Variants in ADCY2 observed in about 807,000 individuals in gnomAD.
ADCY2 encodes adenylate cyclase type 2.
In ADCY2, 31 loss-of-function variants were observed where a neutral mutation model predicts 125.2. The observed-to-expected ratio is 0.25, with a 90% CI of 0.19 to 0.33. The LOEUF (loss-of-function observed/expected upper bound fraction) is 0.33. Among genes scored for constraint, ADCY2 ranks in the 10% least tolerant of loss-of-function variants. The pLI, the probability that ADCY2 is intolerant of heterozygous loss-of-function variation, is 1.00. For missense variants in ADCY2, 904 were observed against 1,418.2 expected, an observed-to-expected ratio of 0.64 and a Z score of 5.82; for synonymous variants, 512 against 548.4, an observed-to-expected ratio of 0.93 and a Z score of 0.93.
Position 7,757,590 on chromosome 5 carries a change from A to G in ADCY2, c.2094+4A>G, listed in dbSNP as rs1560953801. On this transcript the variant is annotated splice_donor_region_variant and intron_variant, in intron 16 of 24. Coordinates refer to ENST00000338316, the MANE Select transcript of ADCY2 (RefSeq NM_020546.3). ...AATGATGGCCGTGTTCAACATGGTA[A>G]GTCCCAGAGCACGGCCGTGTTCAAC... The G allele has an allele frequency of 1.3e-6, 2 of 1,565,530 alleles. No individual in the cohort carries two copies. Among genetic ancestry groups the G allele is most frequent in the Non-Finnish European group, 8.7e-7 (1 of 1,143,770 alleles).
intron 20 of ADCY2, chr5:7,796,337 T>A (rs549648025): frequency 6.6e-6 from 1 of 152,258 alleles, no homozygotes; most frequent in South Asian, 2.1e-4. Context: ...GGGCAGGGCG[T>A]CTTTGGATAG....
intron 3 of ADCY2, among the ~76,000 whole-genome samples, chr5:7,573,258 C>T (rs899327033): frequency 1.3e-5 from 2 of 152,128 alleles, no homozygotes; most frequent in African/African-American, 2.4e-5. Flanking sequence ...AAGTTTTGCC[C>T]TTATTTGAAG....
chr5:7,491,256 AT>A lies in ADCY2; in HGVS notation c.409-29469del, dbSNP rs34685344. The stretch of plus-strand genomic sequence containing the variant: ...TTCAAAAATGATCTAATTAAAAATG[AT>A]TTTTTTTTTTTTGAGACACAGTCTT... On this transcript the variant is annotated intron_variant, in intron 2 of 24. Transcript: ENST00000338316. Among the ~76,000 whole-genome samples, 365 of 146,296 alleles carry A rather than the reference AT, an allele frequency of 2.5e-3. 1 individual carries two copies. Among genetic ancestry groups the A allele is most frequent in the Middle Eastern group, 0.011 (3 of 282 alleles).
chr5:7,737,119 C>T (rs937537138), intron 14 of ADCY2, among the ~76,000 whole-genome samples: 2 of 152,036 alleles, frequency 1.3e-5, no homozygotes, highest in East Asian at 3.9e-4. Context: ...CCAGAGAAAG[C>T]TTTATCTAGT....
intron 17 of ADCY2, 53 bp from the exon 18 acceptor site, chr5:7,772,879 G>A: frequency 2.6e-6 from 4 of 1,553,746 alleles, no homozygotes; most frequent in Non-Finnish European, 3.5e-6. Context: ...AATTGTTTCA[G>A]CATTTCTCAG....
At chr5:7,507,440 C>CAAAAAAAAAAAAAA (rs766601693) in intron 2 of ADCY2, among the ~76,000 whole-genome samples, 6 of 46,980 alleles carry the variant, frequency 1.3e-4, no homozygotes, top group Non-Finnish European at 1.6e-4. Flanking sequence ...GACTCCGTCT[C>CAAAAAAAAAAAAAA]AAAAAAAAAA....
At chr5:7,506,882 G>GGT (rs1415932393) in intron 2 of ADCY2, among the ~76,000 whole-genome samples, 1 of 142,848 alleles carries the variant, frequency 7.0e-6, no homozygotes, top group Middle Eastern at 3.4e-3. Flanking sequence ...CCGCCTCCCG[G>GGT]GTTCACGCCA....
chr5:7,792,088 T>G (rs1744265344), intron 20 of ADCY2, among the ~76,000 whole-genome samples: 1 of 151,998 alleles, frequency 6.6e-6, no homozygotes, highest in South Asian at 2.1e-4. Context: ...ATAAGGGAGC[T>G]GAGGCCGGGC....
chr5:7,482,103 T>G (rs1284079636), intron 2 of ADCY2, among the ~76,000 whole-genome samples: 1 of 152,142 alleles, frequency 6.6e-6, no homozygotes, highest in African/African-American at 2.4e-5. Flanking sequence ...GGTATAAGAT[T>G]TAAATTTTCA....
intron 2 of ADCY2, among the ~76,000 whole-genome samples, chr5:7,492,148 A>G (rs1478811804): frequency 6.6e-6 from 1 of 152,212 alleles, no homozygotes; most frequent in Non-Finnish European, 1.5e-5. Flanking sequence ...GAAAGGGCAC[A>G]GGGGAACCTA....
chr5:7,437,760 T>C (rs1740861628), intron 2 of ADCY2, among the ~76,000 whole-genome samples: 2 of 152,166 alleles, frequency 1.3e-5, no homozygotes. Flanking sequence ...TAGGCTGCAT[T>C]TGAGTTACTT....
At chr5:7,698,893 G>T (rs1000756916) in intron 7 of ADCY2, among the ~76,000 whole-genome samples, 2 of 151,984 alleles carry the variant, frequency 1.3e-5, no homozygotes, top group Non-Finnish European at 2.9e-5. Context: ...AATCCTTTGG[G>T]TATATACCCA....
At chr5:7,744,798 T>C (rs1282260987) in intron 15 of ADCY2, among the ~76,000 whole-genome samples, 1 of 152,252 alleles carries the variant, frequency 6.6e-6, no homozygotes, top group Admixed American at 6.5e-5. Flanking sequence ...TAACCTATTA[T>C]AAAAAATAAA....
At chr5:7,458,974 C>T (rs547314196) in intron 2 of ADCY2, among the ~76,000 whole-genome samples, 3 of 152,276 alleles carry the variant, frequency 2.0e-5, no homozygotes, top group African/African-American at 7.2e-5. Flanking sequence ...CACAATTATG[C>T]TGTACAACCA....
chr5:7,451,451 T>A (rs1461985633), intron 2 of ADCY2, among the ~76,000 whole-genome samples: 2 of 152,238 alleles, frequency 1.3e-5, no homozygotes, highest in African/African-American at 4.8e-5. Context: ...ATTGCAATCT[T>A]ATGATAAAAC....
At chr5:7,673,255 A>ATATATATATATATATATAT (rs1561158673) in intron 4 of ADCY2, among the ~76,000 whole-genome samples, 1 of 14,672 alleles carries the variant, frequency 6.8e-5, no homozygotes, top group Non-Finnish European at 1.4e-4. Context: ...AAAAAAAAAA[A>ATATATATATATATATATAT]AAAAAAAAAA....
intron 3 of ADCY2, among the ~76,000 whole-genome samples, chr5:7,532,049 C>A (rs1332731275): frequency 6.6e-6 from 1 of 152,158 alleles, no homozygotes; most frequent in Non-Finnish European, 1.5e-5. Flanking sequence ...ATGAAGATAG[C>A]TTCTTGGTAA....
chr5:7,410,569 T>C (rs909093877), intron 1 of ADCY2, among the ~76,000 whole-genome samples: 1 of 152,178 alleles, frequency 6.6e-6, no homozygotes, highest in African/African-American at 2.4e-5. Context: ...GATACCATAG[T>C]CAAAATCTCC....
chr5:7,497,952 C>T (rs1279391124), intron 2 of ADCY2, among the ~76,000 whole-genome samples: 2 of 152,122 alleles, frequency 1.3e-5, no homozygotes, highest in Non-Finnish European at 2.9e-5. Flanking sequence ...ATACTGAGTT[C>T]TGCAGTGTAT....
Sources: allele counts gnomAD v4.1 joint callset (sites outside exome capture counted in the v4.1 genomes callset), GRCh38; gene constraint gnomAD v4.1.1; transcripts MANE v1.5; gene names NCBI Gene and HGNC (gene_info 2026-07-23, HGNC 2026-07-21).